TAF4: variants seen among roughly 807,000 people sequenced by gnomAD.
TAF4 encodes the protein transcription initiation factor TFIID subunit 4.
A neutral mutation model predicts 90.3 loss-of-function variants in TAF4; 9 were observed. The ratio of observed to expected loss-of-function variants is 0.10; its 90% confidence interval spans 0.06 to 0.17. The LOEUF (loss-of-function observed/expected upper bound fraction) is 0.17, where lower values mean the gene tolerates loss of function less well. Ranked by LOEUF, TAF4 falls within the 10% of genes least tolerant of loss-of-function variation. The pLI is 1.00. For missense variants in TAF4, 1,351 were observed against 1,370.7 expected (o/e 0.99, Z 0.23); for synonymous variants, 818 against 638.9 (o/e 1.28, Z -4.23).
In TAF4 at chr20:62,045,355, C is replaced by T. The variant is rs544103603; in HGVS notation, c.1360+19096G>A. Among the ~76,000 whole-genome samples the T allele has an allele frequency of 2.8e-4, 43 of 152,358 alleles. 1 individual carries two copies. The highest frequency in any genetic ancestry group is 6.2e-4 in the South Asian group (3 of 4,826). The stretch of plus-strand genomic sequence containing the variant: ...TGCCCGCTCCTCTCTACCCTTGACT[C>T]GCTTCAGGTGCTTGGTGGAGACGAT... On this transcript the variant is annotated intron_variant, in intron 1 of 14. Transcript: ENST00000252996.
chr20:62,065,864 G>A lies in TAF4; in HGVS notation c.-54C>T, dbSNP rs1285262379. ...CCGCTCGGGCCGAGCGCGCCTGGGCGAGGAGGAGGTTCCGACTGGGGCGGG... is the reference window on the plus strand; with the variant it reads ...CCGCTCGGGCCGAGCGCGCCTGGGCAAGGAGGAGGTTCCGACTGGGGCGGG... On this transcript the variant is annotated 5_prime_UTR_variant, in exon 1 of 15. Transcript: ENST00000252996. 6 of 1,184,492 alleles carry A rather than the reference G, an allele frequency of 5.1e-6. No homozygotes were observed. Among genetic ancestry groups the A allele is most frequent in the Non-Finnish European group, 6.4e-6 (6 of 936,796 alleles). The allele number at this position is 1,184,492 out of a possible 1,614,324, so 73.4% of individuals were successfully genotyped here. A position where few individuals can be genotyped will look rare whatever the true frequency, so the allele number is the denominator to read the frequency against.
chr20:62,026,025 C>A (rs144629256), intron 1 of TAF4, among the ~76,000 whole-genome samples: 2 of 152,160 alleles, frequency 1.3e-5, no homozygotes, highest in African/African-American at 4.8e-5. Context: ...TTAAAACACA[C>A]GCAGAGAGCC....
At chr20:62,054,565 C>G (rs2056049841) in intron 1 of TAF4, among the ~76,000 whole-genome samples, 3 of 152,204 alleles carry the variant, frequency 2.0e-5, no homozygotes, top group African/African-American at 7.2e-5. Context: ...ACCCCAAGAG[C>G]TGACAGCTCT....
intron 14 of TAF4, among the ~76,000 whole-genome samples, chr20:61,996,934 C>T (rs533529296): frequency 4.0e-5 from 6 of 151,890 alleles, no homozygotes; most frequent in South Asian, 2.1e-4. Context: ...TGGTGGCAGA[C>T]GGAAACAGAC....
intron 1 of TAF4, among the ~76,000 whole-genome samples, chr20:62,063,867 C>A (rs561994417): frequency 6.6e-6 from 1 of 152,236 alleles, no homozygotes; most frequent in Non-Finnish European, 1.5e-5. Context: ...GCAGAGGAGC[C>A]CAAGCCTTCC....
Position 62,000,232 on chromosome 20 carries a change from T to C in TAF4, c.2679A>G (p.Glu893=), listed in dbSNP as rs200588100. ...LEIGKKHGIT[E]LHPDVVSYVS... ...CATAACTTACTACATCTGGATGTAATTCCGTTATACCATGTTTTTTACCTA... is the reference window on the plus strand; with the variant it reads ...CATAACTTACTACATCTGGATGTAACTCCGTTATACCATGTTTTTTACCTA... Residue 893 remains glutamate (E), a synonymous_variant, in exon 11 of 15, where the codon GAA becomes GAG. Coordinates refer to ENST00000252996, the MANE Select transcript of TAF4 (RefSeq NM_003185.4). 42 of 1,614,162 alleles carry C rather than the reference T, an allele frequency of 2.6e-5. No homozygotes were observed. The East Asian group carries it at 8.7e-4, about 33-fold the overall frequency.
At chr20:62,043,765 G>A (rs568571366) in intron 1 of TAF4, among the ~76,000 whole-genome samples, 59 of 152,366 alleles carry the variant, frequency 3.9e-4, no homozygotes, top group African/African-American at 1.4e-3. Flanking sequence ...GCCTAAGAGT[G>A]TAGCAGGCTG....
chr20:62,054,405 G>A (rs1432929447), intron 1 of TAF4, among the ~76,000 whole-genome samples: 5 of 152,200 alleles, frequency 3.3e-5, no homozygotes, highest in Non-Finnish European at 7.3e-5. Context: ...GCAGGAAGGC[G>A]AGGACTGCAC....
Position 62,064,832 on chromosome 20 carries a change from C to T in TAF4, c.979G>A (p.Gly327Ser), listed in dbSNP as rs1440165696. The change falls in exon 1 of 15, where the codon GGC (glycine) becomes AGC (serine). Residue 327 changes from glycine (G) to serine (S), a missense_variant. This residue lies in a region of TAF4 where 782 missense variants were observed against 536.6 expected (regional missense o/e 1.46). Transcript: ENST00000252996. Reference sequence around the variant, plus strand: ...GCCGCCGCGCCGGGCCCGGGTTGGCCGCTGACCCCCGCGGGGCCCCCGGCG... The same window carrying T: ...GCCGCCGCGCCGGGCCCGGGTTGGCTGCTGACCCCCGCGGGGCCCCCGGCG... ...PAAGGPAGVS[G>S]QPGPGAAAAA... 4.1e-6 allele frequency: 4 copies of T among 972,146 alleles called. No homozygotes were observed. The highest frequency in any genetic ancestry group is 1.8e-5 in the African/African-American group (1 of 55,238). The allele number at this position is 972,146 out of a possible 1,614,324, so 60.2% of individuals were successfully genotyped here. A position where few individuals can be genotyped will look rare whatever the true frequency, so the allele number is the denominator to read the frequency against.
At chr20:62,021,257 G>A (rs1263774974) in intron 1 of TAF4, among the ~76,000 whole-genome samples, 2 of 152,244 alleles carry the variant, frequency 1.3e-5, no homozygotes, top group Admixed American at 1.3e-4. Context: ...ACTTAAACAA[G>A]GGAATAAGTG....
At chr20:61,976,584 G>A (rs1353753510) in intron 14 of TAF4, among the ~76,000 whole-genome samples, 4 of 152,250 alleles carry the variant, frequency 2.6e-5, no homozygotes, top group Non-Finnish European at 5.9e-5. Flanking sequence ...GCCCCACAGT[G>A]CTTGGACCTG....
At chr20:62,020,399 G>A (rs1200174373) in intron 1 of TAF4, among the ~76,000 whole-genome samples, 1 of 152,254 alleles carries the variant, frequency 6.6e-6, no homozygotes, top group Non-Finnish European at 1.5e-5. Flanking sequence ...GCCCCTGCCA[G>A]CCCACGGGGA....
intron 14 of TAF4, among the ~76,000 whole-genome samples, chr20:61,994,173 T>C (rs1481874572): frequency 6.6e-6 from 1 of 152,212 alleles, no homozygotes; most frequent in Non-Finnish European, 1.5e-5. Context: ...TAACTCTAAG[T>C]GCTCTTCTCG....
At chr20:62,062,578 C>G (rs749105807) in intron 1 of TAF4, among the ~76,000 whole-genome samples, 1 of 152,204 alleles carries the variant, frequency 6.6e-6, no homozygotes, top group African/African-American at 2.4e-5. Context: ...TCTGTGTGAG[C>G]TGTTCCTCTG....
intron 1 of TAF4, among the ~76,000 whole-genome samples, chr20:62,048,832 AC>A (rs1202830445): frequency 1.7e-5 from 1 of 58,908 alleles, no homozygotes; most frequent in East Asian, 4.2e-4. Context: ...AGCTCCGTAC[AC>A]CCCCACCCCA....
chr20:61,978,513 G>C (rs34475814), intron 14 of TAF4, among the ~76,000 whole-genome samples: 5 of 146,486 alleles, frequency 3.4e-5, no homozygotes, highest in Non-Finnish European at 6.0e-5. Flanking sequence ...CCAACCAAGG[G>C]AGGGCGCGAG....
Position 62,065,403 on chromosome 20 carries a change from G to A in TAF4, c.408C>T (p.Ser136=). The A allele has an allele frequency of 1.0e-6, 1 of 972,990 alleles. No individual in the cohort carries two copies. Among genetic ancestry groups the A allele is most frequent in the Non-Finnish European group, 1.2e-6 (1 of 823,250 alleles). 60.3% of individuals were successfully genotyped at this position (972,990 alleles called of 1,614,324 possible). The part of the protein sequence containing the change: ...LRPPPEGSAG[S]CAPVPAAAAV... ...CGGCGGCGGCGGGCACCGGGGCGCA[G>A]GACCCCGCGCTGCCCTCGGGCGGCG... Residue 136 remains serine, a synonymous_variant, in exon 1 of 15, where the codon TCC becomes TCT. Coordinates refer to ENST00000252996, the MANE Select transcript of TAF4 (RefSeq NM_003185.4).
intron 1 of TAF4, among the ~76,000 whole-genome samples, chr20:62,050,496 G>A (rs780637799): frequency 7.2e-5 from 11 of 152,074 alleles, no homozygotes; most frequent in Non-Finnish European, 4.4e-5. Context: ...GAGCAGCCCG[G>A]GGTGCTGGCA....
chr20:61,994,503 G>C (rs2055651617), intron 14 of TAF4, among the ~76,000 whole-genome samples: 1 of 152,194 alleles, frequency 6.6e-6, no homozygotes, highest in Non-Finnish European at 1.5e-5. Flanking sequence ...AACCTGTACT[G>C]TCCCAGGAGG....
Sources: allele counts gnomAD v4.1 joint callset (sites outside exome capture counted in the v4.1 genomes callset), GRCh38; gene constraint gnomAD v4.1.1; regional missense constraint gnomAD v4.1.1; transcripts MANE v1.5; gene names NCBI Gene and HGNC (gene_info 2026-07-23, HGNC 2026-07-21).